Variants in CDCP1 observed in about 807,000 individuals in gnomAD.
CDCP1 encodes CUB domain-containing protein 1.
Under a neutral mutation model 60.2 loss-of-function variants are expected in CDCP1, and 29 were observed. The ratio of observed to expected loss-of-function variants is 0.48; its 90% CI spans 0.36 to 0.66. The LOEUF is 0.66. Ranked by LOEUF, CDCP1 falls within the 30% of genes least tolerant of loss-of-function variation. The pLI, the probability that CDCP1 is intolerant of heterozygous loss-of-function variation, is 0.00. For synonymous variants in CDCP1, 387 were observed against 431.1 expected, an observed-to-expected ratio of 0.90 and a Z score of 1.27; for missense variants, 876 against 1,074.3, an observed-to-expected ratio of 0.82 and a Z score of 2.58.
At chr3:45,100,398 G>C (rs1207751208) in intron 4 of CDCP1, among the ~76,000 whole-genome samples, 2 of 152,224 alleles carry the variant, frequency 1.3e-5, no homozygotes, top group Admixed American at 1.3e-4. Flanking sequence ...TTGTTTGGCT[G>C]CTTGTTGGCA....
chr3:45,124,036 C>T (rs1212734800), intron 1 of CDCP1, among the ~76,000 whole-genome samples: 1 of 152,170 alleles, frequency 6.6e-6, no homozygotes, highest in Non-Finnish European at 1.5e-5. Flanking sequence ...CTTATTAGGA[C>T]ACCTTTGTGA....
chr3:45,141,088 C>T (rs947523303), intron 1 of CDCP1, among the ~76,000 whole-genome samples: 2 of 152,138 alleles, frequency 1.3e-5, no homozygotes, highest in African/African-American at 4.8e-5. Flanking sequence ...GTAATTCCAG[C>T]TACTTGGGAG....
At chr3:45,102,756 C>T (rs1289882455) in intron 4 of CDCP1, among the ~76,000 whole-genome samples, 1 of 152,104 alleles carries the variant, frequency 6.6e-6, no homozygotes, top group Non-Finnish European at 1.5e-5. Flanking sequence ...CGCCTCCTGG[C>T]CTCAAGCGAT....
chr3:45,134,342 T>C (rs927816351), intron 1 of CDCP1, among the ~76,000 whole-genome samples: 2 of 152,200 alleles, frequency 1.3e-5, no homozygotes, highest in Admixed American at 6.5e-5. Context: ...GCCAGGATGG[T>C]CTCGATCTCC....
intron 4 of CDCP1, among the ~76,000 whole-genome samples, chr3:45,106,096 C>T (rs1297488408): frequency 6.6e-6 from 1 of 152,214 alleles, no homozygotes; most frequent in Non-Finnish European, 1.5e-5. Context: ...CAGGAGTTCT[C>T]TGGGTCTAGT....
At chr3:45,128,878 T>A (rs1361360138) in intron 1 of CDCP1, among the ~76,000 whole-genome samples, 1 of 152,188 alleles carries the variant, frequency 6.6e-6, no homozygotes, top group Non-Finnish European at 1.5e-5. Flanking sequence ...CCACCATGCC[T>A]GGCTAATCTG....
Position 45,083,931 on chromosome 3 carries a change from GAAAA to G in CDCP1, c.*1703_*1706del, listed in dbSNP as rs1698144022. 6.6e-6 allele frequency: 1 copy of G among 150,902 alleles called. No individual in the cohort carries two copies. Among genetic ancestry groups the G allele is most frequent in the South Asian group, 2.1e-4 (1 of 4,736 alleles). The allele number at this position is 150,902 out of a possible 1,614,324, so 9.3% of individuals were successfully genotyped here. A position where few individuals can be genotyped will look rare whatever the true frequency, so the allele number is the denominator to read the frequency against. Reference sequence around the variant, plus strand: ...CTCACATTAAAAAAAAAAAGAAAAAGAAAAAGAAAAAAAAGAAAAAGGGTAATGT... The same window carrying G: ...CTCACATTAAAAAAAAAAAGAAAAAGAGAAAAAAAAGAAAAAGGGTAATGT... On this transcript the variant is annotated 3_prime_UTR_variant, in exon 9 of 9. Coordinates refer to ENST00000296129, the MANE Select transcript of CDCP1 (RefSeq NM_022842.5).
At chr3:45,090,139 C>T (rs774802510) in intron 7 of CDCP1, among the ~76,000 whole-genome samples, 1 of 152,070 alleles carries the variant, frequency 6.6e-6, no homozygotes, top group Non-Finnish European at 1.5e-5. Flanking sequence ...ATTTGGCTCC[C>T]ACCAGTTCTC....
chr3:45,143,839 G>A (rs1311041317), intron 1 of CDCP1, among the ~76,000 whole-genome samples: 1 of 152,094 alleles, frequency 6.6e-6, no homozygotes, highest in Non-Finnish European at 1.5e-5. Context: ...ATGTGGGGGA[G>A]GAGATGGGGG....
At position 45,085,087 on chromosome 3, in the gene CDCP1, A is replaced by G. The variant is rs1263269717; in HGVS notation, c.*551T>C. ...CACACGTTTATCTAGCGGTCAGTAG[A>G]AGTCACAACCCAGGCATCCAAACCA... On this transcript the variant is annotated 3_prime_UTR_variant, in exon 9 of 9. Coordinates refer to ENST00000296129, the MANE Select transcript of CDCP1 (RefSeq NM_022842.5). The surrounding 1 kb of genome is among the most constrained non-coding windows in gnomAD (Gnocchi z 4.2). 1.3e-5 allele frequency: 2 copies of G among 152,818 alleles called. No homozygotes were observed. The highest frequency in any genetic ancestry group is 4.8e-5 in the African/African-American group (2 of 41,462). 9.5% of individuals were successfully genotyped at this position (152,818 alleles called of 1,614,324 possible).
intron 4 of CDCP1, among the ~76,000 whole-genome samples, chr3:45,103,214 T>C (rs1461181607): frequency 3.3e-5 from 5 of 152,202 alleles, no homozygotes; most frequent in East Asian, 3.8e-4. Context: ...TGGAACTTCA[T>C]AGAAATGGAA....
In CDCP1 at chr3:45,083,410, C is replaced by T. The variant is rs1436098158; in HGVS notation, c.*2228G>A. The stretch of plus-strand genomic sequence containing the variant: ...GACTATAAAATTCCTTTCATTTATG[C>T]CATGTGAACAAGTTGAGGCGGTGCA... On this transcript the variant is annotated 3_prime_UTR_variant, in exon 9 of 9. Coordinates refer to ENST00000296129, the MANE Select transcript of CDCP1 (RefSeq NM_022842.5). The T allele has an allele frequency of 6.6e-6, 1 of 152,182 alleles. No individual in the cohort carries two copies. Among genetic ancestry groups the T allele is most frequent in the Non-Finnish European group, 1.5e-5 (1 of 68,036 alleles). 9.4% of individuals were successfully genotyped at this position (152,182 alleles called of 1,614,324 possible).
chr3:45,087,915 G>A (rs977324506), intron 8 of CDCP1, among the ~76,000 whole-genome samples: 10 of 151,974 alleles, frequency 6.6e-5, no homozygotes, highest in Non-Finnish European at 1.3e-4. Flanking sequence ...CCAGCTACTC[G>A]GGAGGCTGAG....
intron 1 of CDCP1, among the ~76,000 whole-genome samples, chr3:45,133,029 C>T (rs1263645220): frequency 1.3e-5 from 2 of 152,114 alleles, no homozygotes; most frequent in African/African-American, 2.4e-5. Flanking sequence ...CTGGGCTTTT[C>T]CTGGAGAAAA....
rs936572747 is a variant in CDCP1, at chr3:45,091,710, C to G, written c.1628-172G>C. On this transcript the variant is annotated intron_variant, in intron 6 of 8. Coordinates refer to ENST00000296129, the MANE Select transcript of CDCP1 (RefSeq NM_022842.5). The surrounding 1 kb of genome is among the most constrained non-coding windows in gnomAD (Gnocchi z 4.8). ...CACCATCTGATAGGGTAGCCACCAG[C>G]TATATGTCTGCTGAGCCTTGAAATG... is the stretch of plus-strand genomic sequence containing the variant. 6.6e-6 allele frequency among the ~76,000 whole-genome samples: 1 copy of G among 152,242 alleles called. No homozygotes were observed. Among genetic ancestry groups the G allele is most frequent in the African/African-American group, 2.4e-5 (1 of 41,464 alleles).
At chr3:45,094,061 A>G (rs1400022473) in intron 5 of CDCP1, among the ~76,000 whole-genome samples, 2 of 151,836 alleles carry the variant, frequency 1.3e-5, no homozygotes, top group Non-Finnish European at 2.9e-5. Flanking sequence ...GGCGTTGGGG[A>G]GATGTTAGTT....
chr3:45,137,697 G>A (rs1283124431), intron 1 of CDCP1, among the ~76,000 whole-genome samples: 2 of 150,070 alleles, frequency 1.3e-5, no homozygotes, highest in East Asian at 2.0e-4. Context: ...GCACGTGCCT[G>A]TAATCCCAGG....
chr3:45,091,531 G>T lies in CDCP1; in HGVS notation c.1635C>A (p.Gly545=). ...TTGTGTCAGGGGTCACCGTGAAAAC[G>T]CCTTCCTCTGCAGGAAAGGGAGGGA... ...VSFIPYFKEE[G]VFTVTPDTKS... The change falls in exon 7 of 9, where the codon GGC becomes GGA. Residue 545 remains glycine (G), a synonymous_variant. Transcript: ENST00000296129. The surrounding 1 kb of genome is among the most constrained non-coding windows in gnomAD (Gnocchi z 4.8). 3.8e-6 allele frequency: 6 copies of T among 1,598,402 alleles called. No homozygotes were observed. Among genetic ancestry groups the T allele is most frequent in the Non-Finnish European group, 5.1e-6 (6 of 1,173,216 alleles).
At chr3:45,144,332 G>T (rs1445549527) in intron 1 of CDCP1, among the ~76,000 whole-genome samples, 1 of 152,160 alleles carries the variant, frequency 6.6e-6, no homozygotes, top group Admixed American at 6.5e-5. Flanking sequence ...ATTTCTCAAA[G>T]GCCTTTGCCA....
Sources: allele counts gnomAD v4.1 joint callset (sites outside exome capture counted in the v4.1 genomes callset), GRCh38; gene constraint gnomAD v4.1.1; non-coding constraint Gnocchi (gnomAD v3.1); transcripts MANE v1.5; gene names NCBI Gene and HGNC (gene_info 2026-07-23, HGNC 2026-07-21).